DPF3: variants seen among roughly 807,000 people sequenced by gnomAD.
The protein encoded by DPF3 is double PHD fingers 3.
Under a neutral mutation model 56.8 loss-of-function variants are expected in DPF3, and 18 were observed. The ratio of observed to expected loss-of-function variants is 0.32; its 90% CI spans 0.22 to 0.47. The LOEUF is 0.47. DPF3 is among the 20% of genes least tolerant of loss of function. The probability of loss-of-function intolerance (pLI) is 1.00; values close to 1 mark genes in which losing one functional copy is unlikely to be tolerated. For synonymous variants in DPF3, 188 were observed against 180.2 expected, an observed-to-expected ratio of 1.04 and a Z score of -0.35; for missense variants, 403 against 488.8, an observed-to-expected ratio of 0.82 and a Z score of 1.65.
chr14:72,710,251 C>G (rs556996159), intron 6 of DPF3, among the ~76,000 whole-genome samples: 6 of 152,308 alleles, frequency 3.9e-5, no homozygotes, highest in African/African-American at 1.4e-4. Context: ...CAGTTATCAT[C>G]CTGCCTACAA....
At chr14:72,689,228 G>A (rs921117209) in intron 7 of DPF3, among the ~76,000 whole-genome samples, 4 of 152,190 alleles carry the variant, frequency 2.6e-5, no homozygotes, top group African/African-American at 9.7e-5. Flanking sequence ...GCAAGCGACA[G>A]CAGGAGGACC....
intron 4 of DPF3, among the ~76,000 whole-genome samples, chr14:72,728,032 T>G (rs1428177554): frequency 6.6e-6 from 1 of 152,040 alleles, no homozygotes; most frequent in East Asian, 1.9e-4. Flanking sequence ...CAGTGCTGCA[T>G]GAGAAGAACT....
intron 9 of DPF3, 98 bp from the exon 10 acceptor site, chr14:72,620,082 T>C: frequency 8.0e-7 from 1 of 1,249,342 alleles, no homozygotes; most frequent in Non-Finnish European, 1.1e-6. Context: ...TCCACGTCGG[T>C]CTCACTGGAT....
At chr14:72,803,915 C>T (rs1300563485) in intron 1 of DPF3, among the ~76,000 whole-genome samples, 2 of 151,430 alleles carry the variant, frequency 1.3e-5, no homozygotes, top group Non-Finnish European at 2.9e-5. Context: ...ATGTGGTGAG[C>T]CCTTGAGCCT....
intron 1 of DPF3, among the ~76,000 whole-genome samples, chr14:72,880,632 C>A (rs1886290026): frequency 6.6e-6 from 1 of 152,120 alleles, no homozygotes; most frequent in South Asian, 2.1e-4. Flanking sequence ...ACACGGCTCA[C>A]TGCAGCCTCA....
rs149047566 is a variant in DPF3, at chr14:72,829,477, C to G, written c.33-57584G>C. Among the ~76,000 whole-genome samples, 416 of 151,860 alleles carry G rather than the reference C, an allele frequency of 2.7e-3. 7 individuals are homozygous for G. In the East Asian group the frequency reaches 0.066, roughly 24 times the overall value. On this transcript the variant is annotated intron_variant, in intron 1 of 10. Transcript: ENST00000556509. ...TCGGCTCACTGCAACCTCTGCCTCC[C>G]AGGTTCAAGTGATTCTCCTGCCTCA...
intron 1 of DPF3, among the ~76,000 whole-genome samples, chr14:72,810,849 C>T: frequency 6.6e-6 from 1 of 152,202 alleles, no homozygotes; most frequent in Non-Finnish European, 1.5e-5. Flanking sequence ...GATGAAGTCA[C>T]ACTGGAATAG....
chr14:72,716,339 G>C (rs956743340), intron 5 of DPF3, among the ~76,000 whole-genome samples: 1 of 152,096 alleles, frequency 6.6e-6, no homozygotes, highest in African/African-American at 2.4e-5. Flanking sequence ...AATGGGGATC[G>C]TGTCTATAGG....
chr14:72,775,172 A>G (rs1365433335), intron 1 of DPF3, among the ~76,000 whole-genome samples: 1 of 152,158 alleles, frequency 6.6e-6, no homozygotes, highest in East Asian at 1.9e-4. Flanking sequence ...AAAAAAAAAG[A>G]TGTTAATTAT....
chr14:72,619,550 G>C (rs1256791238), intron 10 of DPF3, among the ~76,000 whole-genome samples, 183 bp from the exon 11 acceptor site: 1 of 152,210 alleles, frequency 6.6e-6, no homozygotes, highest in Non-Finnish European at 1.5e-5. Context: ...AGAGGAGATG[G>C]GCTCAACTCT....
intron 4 of DPF3, among the ~76,000 whole-genome samples, chr14:72,726,998 C>T (rs1047989614): frequency 6.6e-6 from 1 of 152,298 alleles, no homozygotes; most frequent in African/African-American, 2.4e-5. Context: ...AAATTCACGG[C>T]CCTGATCAAA....
At chr14:72,696,302 T>G (rs1359776237) in intron 6 of DPF3, among the ~76,000 whole-genome samples, 1 of 152,260 alleles carries the variant, frequency 6.6e-6, no homozygotes, top group Non-Finnish European at 1.5e-5. Context: ...ATGGTCATTT[T>G]GTCTATCTAG....
intron 8 of DPF3, among the ~76,000 whole-genome samples, chr14:72,643,775 A>T (rs2803968): frequency 2.6e-5 from 4 of 152,048 alleles, no homozygotes; most frequent in African/African-American, 9.7e-5. Flanking sequence ...CCAATTTCAC[A>T]CCACACCTCC....
intron 3 of DPF3, among the ~76,000 whole-genome samples, chr14:72,733,102 T>G (rs1354365718): frequency 6.6e-6 from 1 of 152,126 alleles, no homozygotes; most frequent in Admixed American, 6.5e-5. Context: ...CTGCTGTTTT[T>G]TTAATTAAAG....
chr14:72,672,066 C>CACACACAG (rs1886713430), intron 8 of DPF3, among the ~76,000 whole-genome samples: 1 of 137,788 alleles, frequency 7.3e-6, no homozygotes. Context: ...CACAGACACA[C>CACACACAG]ACACACACAC....
chr14:72,848,406 C>T (rs1166719863), intron 1 of DPF3, among the ~76,000 whole-genome samples: 2 of 152,170 alleles, frequency 1.3e-5, no homozygotes, highest in Non-Finnish European at 2.9e-5. Flanking sequence ...TTCATGTGAT[C>T]CGCCCGCCTT....
At chr14:72,881,000 T>C (rs542187160) in intron 1 of DPF3, among the ~76,000 whole-genome samples, 6 of 152,322 alleles carry the variant, frequency 3.9e-5, no homozygotes, top group Non-Finnish European at 7.4e-5. Context: ...AGATTGTACC[T>C]ATGGTTACTC....
At chr14:72,884,106 C>G (rs1381824512) in intron 1 of DPF3, among the ~76,000 whole-genome samples, 1 of 152,114 alleles carries the variant, frequency 6.6e-6, no homozygotes, top group Non-Finnish European at 1.5e-5. Context: ...ACCAAAGGCC[C>G]AAGTTCCCAG....
intron 7 of DPF3, among the ~76,000 whole-genome samples, chr14:72,681,004 G>A (rs530146843): frequency 6.6e-6 from 1 of 152,344 alleles, no homozygotes; most frequent in South Asian, 2.1e-4. Context: ...TCATGTAAAT[G>A]CCTCTTTGCC....
Sources: allele counts gnomAD v4.1 joint callset (sites outside exome capture counted in the v4.1 genomes callset), GRCh38; gene constraint gnomAD v4.1.1; transcripts MANE v1.5; gene names NCBI Gene and HGNC (gene_info 2026-07-23, HGNC 2026-07-21).